Variants in FYB2 observed in about 807,000 individuals in gnomAD.
FYB2 encodes the protein FYN binding protein 2.
A neutral mutation model predicts 94.1 loss-of-function variants in FYB2; 103 were observed. The observed-to-expected ratio is 1.09, with a 90% confidence interval of 0.93 to 1.29. FYB2 has a LOEUF of 1.29. Among genes scored for constraint, FYB2 ranks in the 50% most tolerant of loss-of-function variants. The probability of loss-of-function intolerance (pLI) is 0.00; values close to 1 mark genes in which losing one functional copy is unlikely to be tolerated. For synonymous variants in FYB2, 293 were observed against 287.9 expected (o/e 1.02, Z -0.18); for missense variants, 896 against 841.5 (o/e 1.06, Z -0.80).
chr1:56,731,501 A>G (rs1033778794), intron 15 of FYB2, among the ~76,000 whole-genome samples: 4 of 152,026 alleles, frequency 2.6e-5, no homozygotes, highest in African/African-American at 7.2e-5. Context: ...ATTCTAATCT[A>G]TCATGGAGGG....
chr1:56,799,786 G>C (rs1367585706), intron 1 of FYB2, among the ~76,000 whole-genome samples: 2 of 152,122 alleles, frequency 1.3e-5, no homozygotes, highest in Non-Finnish European at 2.9e-5. Context: ...CGGGCTGCTA[G>C]GTAACCCTCT....
At position 56,792,213 on chromosome 1, in the gene FYB2, C is replaced by A. The variant is rs1388044109; in HGVS notation, c.600G>T (p.Val200=). Residue 200 remains valine, a synonymous_variant, in exon 2 of 20, where the codon GTG becomes GTT. Transcript: ENST00000343433. ...CGTTATGTAATATTTTGGGGGCCAC[C>A]ACGTGCTTCTGGGAAGGAAGAGTCT... ...GAQTLPSQKH[V]VAPKILHNVS... The A allele has an allele frequency of 1.2e-6, 2 of 1,613,906 alleles. No homozygotes were observed. Among genetic ancestry groups the A allele is most frequent in the Non-Finnish European group, 1.7e-6 (2 of 1,179,944 alleles).
intron 9 of FYB2, among the ~76,000 whole-genome samples, chr1:56,745,060 C>T (rs916821823): frequency 6.6e-6 from 1 of 151,802 alleles, no homozygotes; most frequent in African/African-American, 2.4e-5. Flanking sequence ...AGGCCCCAAA[C>T]CATCTCAATG....
intron 15 of FYB2, chr1:56,731,952 C>T (rs1391450694): frequency 6.6e-6 from 1 of 152,004 alleles, no homozygotes; most frequent in African/African-American, 2.4e-5. Flanking sequence ...TCTCTCCATT[C>T]TTATTCAACA....
chr1:56,785,569 A>T (rs1646115168), intron 4 of FYB2, among the ~76,000 whole-genome samples: 1 of 152,184 alleles, frequency 6.6e-6, no homozygotes, highest in East Asian at 1.9e-4. Context: ...CCACACTACC[A>T]GTTCCTTGTT....
At chr1:56,826,178 C>T in the FYB2 span, among the ~76,000 whole-genome samples, 3 of 152,222 alleles carry the variant, frequency 2.0e-5, no homozygotes, top group Non-Finnish European at 4.4e-5. Flanking sequence ...GTGGTTCCCT[C>T]ATTCCCCTCT....
At chr1:56,795,310 T>G (rs1646370406) in intron 1 of FYB2, among the ~76,000 whole-genome samples, 1 of 150,730 alleles carries the variant, frequency 6.6e-6, no homozygotes, top group African/African-American at 2.4e-5. Context: ...TGTTAGAATT[T>G]CCTTCCTTTT....
chr1:56,748,083 T>C (rs1051912688), intron 9 of FYB2, among the ~76,000 whole-genome samples: 5 of 152,184 alleles, frequency 3.3e-5, no homozygotes, highest in Admixed American at 3.3e-4. Context: ...CTTTGCCCAC[T>C]TTTTGATGGG....
chr1:56,740,263 C>T (rs1419179233), intron 13 of FYB2, among the ~76,000 whole-genome samples: 2 of 152,068 alleles, frequency 1.3e-5, no homozygotes, highest in East Asian at 1.9e-4. Context: ...TCATCTCCCC[C>T]TTCCACATAT....
At chr1:56,799,113 C>T (rs1442913585) in intron 1 of FYB2, among the ~76,000 whole-genome samples, 1 of 152,102 alleles carries the variant, frequency 6.6e-6, no homozygotes, top group African/African-American at 2.4e-5. Flanking sequence ...ACAATAACCC[C>T]ACCAATTAGG....
chr1:56,755,232 A>G (rs1379216888), intron 7 of FYB2, among the ~76,000 whole-genome samples: 1 of 152,120 alleles, frequency 6.6e-6, no homozygotes, highest in East Asian at 1.9e-4. Context: ...CCTACATACA[A>G]GGAGCTCCCA....
At chr1:56,801,512 C>T (rs1208384253) in intron 1 of FYB2, among the ~76,000 whole-genome samples, 1 of 152,178 alleles carries the variant, frequency 6.6e-6, no homozygotes, top group East Asian at 1.9e-4. Flanking sequence ...AACACTTTGG[C>T]CTCATTTCTG....
chr1:56,772,474 A>G (rs1570095195), intron 4 of FYB2, among the ~76,000 whole-genome samples: 3 of 152,128 alleles, frequency 2.0e-5, no homozygotes, highest in South Asian at 4.1e-4. Flanking sequence ...TAGATCTGAG[A>G]TCCACCTTGA....
intron 13 of FYB2, among the ~76,000 whole-genome samples, chr1:56,740,085 T>C (rs1644916680): frequency 6.6e-6 from 1 of 152,030 alleles, no homozygotes; most frequent in South Asian, 2.1e-4. Context: ...GTACATGGAA[T>C]AAATGGCAGA....
chr1:56,803,259 T>C (rs1342832739), intron 1 of FYB2, among the ~76,000 whole-genome samples: 1 of 152,192 alleles, frequency 6.6e-6, no homozygotes. Context: ...TAATGCAAGA[T>C]AAATAAAGAC....
At chr1:56,719,757 A>T (rs1250944563) in intron 19 of FYB2, 65 bp from the exon 20 acceptor site, 39 of 1,334,166 alleles carry the variant, frequency 2.9e-5, no homozygotes, top group Non-Finnish European at 4.1e-5. Flanking sequence ...TGAGTGGGAG[A>T]TTTCTAGGGA....
chr1:56,819,108 G>T (rs1039494591), intron 1 of FYB2, among the ~76,000 whole-genome samples, 174 bp downstream of exon 1: 1 of 55,222 alleles, frequency 1.8e-5, no homozygotes, highest in African/African-American at 7.0e-5. Context: ...CCTCCCACCC[G>T]CCCTGAGCAA....
intron 1 of FYB2, among the ~76,000 whole-genome samples, chr1:56,793,688 A>G (rs999209565): frequency 4.3e-5 from 6 of 139,458 alleles, no homozygotes; most frequent in African/African-American, 1.6e-4. Context: ...CACACAATTT[A>G]CCCATGTAAC....
chr1:56,742,977 T>C (rs1391254624), intron 11 of FYB2, among the ~76,000 whole-genome samples: 1 of 152,042 alleles, frequency 6.6e-6, no homozygotes, highest in Non-Finnish European at 1.5e-5. Flanking sequence ...TATATACTTA[T>C]GATATATAAC....
Sources: gnomAD v4.1 joint callset for allele counts (sites outside exome capture counted in the v4.1 genomes callset) on GRCh38, gnomAD v4.1.1 for gene constraint, MANE v1.5 for transcripts, NCBI Gene and HGNC (gene_info 2026-07-23, HGNC 2026-07-21) for gene names.